The following NAV2 variants were observed in gnomAD, a reference collection of about 807,000 sequenced individuals.
NAV2 encodes neuron navigator 2.
In NAV2, 54 loss-of-function variants were observed where a neutral mutation model predicts 223.2. The observed-to-expected ratio is 0.24, with a 90% CI of 0.19 to 0.30. The LOEUF (loss-of-function observed/expected upper bound fraction) is 0.30, where lower values mean the gene tolerates loss of function less well. Ranked by LOEUF, NAV2 falls within the 10% of genes least tolerant of loss-of-function variation. NAV2 has a pLI of 1.00. For synonymous variants in NAV2, 1,279 were observed against 1,239.3 expected (o/e 1.03, Z -0.67); for missense variants, 2,806 against 3,147.5 (o/e 0.89, Z 2.60).
At chr11:19,481,245 A>G (rs1346509832) in intron 1 of NAV2, among the ~76,000 whole-genome samples, 1 of 152,046 alleles carries the variant, frequency 6.6e-6, no homozygotes, top group African/African-American at 2.4e-5. Context: ...TTGGTAGAAA[A>G]GCCAAGGGCC....
chr11:19,992,219 A>G (rs2051405518), intron 11 of NAV2, among the ~76,000 whole-genome samples: 1 of 152,226 alleles, frequency 6.6e-6, no homozygotes, highest in Non-Finnish European at 1.5e-5. Context: ...GCAGGGTAAT[A>G]ATAACTACAT....
At chr11:19,644,382 G>A (rs1261386823) in intron 1 of NAV2, among the ~76,000 whole-genome samples, 2 of 152,192 alleles carry the variant, frequency 1.3e-5, no homozygotes, top group African/African-American at 4.8e-5. Flanking sequence ...TTTGGTATTG[G>A]CTGTTGCTGC....
chr11:19,423,362 A>T (rs1406605394), intron 1 of NAV2, among the ~76,000 whole-genome samples: 1 of 152,220 alleles, frequency 6.6e-6, no homozygotes. Context: ...ATGGTCATGG[A>T]CTAAGAACCG....
At chr11:19,384,593 C>T (rs1262323022) in intron 1 of NAV2, 1 of 152,272 alleles carries the variant, frequency 6.6e-6, no homozygotes, top group Non-Finnish European at 1.5e-5. Context: ...CCACTCATCT[C>T]TCCACCCCTC....
Position 19,934,156 on chromosome 11 carries a change from G to A in NAV2, c.1912G>A (p.Val638Ile), listed in dbSNP as rs752406374. The A allele has an allele frequency of 2.5e-6, 4 of 1,614,098 alleles. No individual in the cohort carries two copies. Among genetic ancestry groups the A allele is most frequent in the Non-Finnish European group, 3.4e-6 (4 of 1,180,026 alleles). Residue 638 changes from valine (V) to isoleucine (I), a missense_variant, in exon 7 of 38, where the codon GTC becomes ATC. Coordinates refer to ENST00000349880, the MANE Select transcript of NAV2 (RefSeq NM_145117.5). ...TLNHSISSQT[V>I]SGSVGTTQTT... ...GAACCACAGCATCAGCAGCCAGACT[G>A]TCAGTGGGTCTGTCGGGACCACCCA...
At chr11:19,353,970 AG>A (rs752122967) in intron 1 of NAV2, among the ~76,000 whole-genome samples, 4 of 152,226 alleles carry the variant, frequency 2.6e-5, no homozygotes, top group Non-Finnish European at 4.4e-5. Flanking sequence ...TGCCTGTCTG[AG>A]TCCTTACATA....
intron 17 of NAV2, among the ~76,000 whole-genome samples, chr11:20,052,466 A>G (rs968444981): frequency 2.6e-5 from 4 of 152,212 alleles, no homozygotes; most frequent in African/African-American, 9.6e-5. Context: ...GCTGCTTGTC[A>G]GCAACCATGC....
Position 20,045,218 on chromosome 11 carries a change from C to T in NAV2, c.3450C>T (p.Gly1150=), listed in dbSNP as rs764247835. 6 of 1,614,044 alleles carry T rather than the reference C, an allele frequency of 3.7e-6. No individual in the cohort carries two copies. The Admixed American group carries it at 1.0e-4, about 27-fold the overall frequency. The part of the protein sequence containing the change: ...VTVTSRSATL[G]KIPKSSALVS... ...TCACCAGCAGGTCAGCCACACTGGG[C>T]AAAATCCCAAAGTCATCTGCACTCG... The change falls in exon 14 of 38, where the codon GGC becomes GGT. Residue 1150 remains glycine, a synonymous_variant. Coordinates refer to ENST00000349880, the MANE Select transcript of NAV2 (RefSeq NM_145117.5).
intron 1 of NAV2, among the ~76,000 whole-genome samples, chr11:19,564,721 C>T (rs2134814278): frequency 6.6e-6 from 1 of 152,326 alleles, no homozygotes; most frequent in East Asian, 1.9e-4. Context: ...GAGTGCCCAC[C>T]GTGTGCTATT....
At chr11:19,664,129 G>T (rs551534705) in intron 1 of NAV2, among the ~76,000 whole-genome samples, 1 of 152,340 alleles carries the variant, frequency 6.6e-6, no homozygotes, top group African/African-American at 2.4e-5. Context: ...CTCCCTTGAA[G>T]CCAGAAGGCA....
chr11:19,924,534 G>A (rs2044567624), intron 6 of NAV2, among the ~76,000 whole-genome samples: 1 of 152,200 alleles, frequency 6.6e-6, no homozygotes, highest in Non-Finnish European at 1.5e-5. Flanking sequence ...GGTTCATGCA[G>A]GACAGAGGAG....
intron 1 of NAV2, among the ~76,000 whole-genome samples, chr11:19,526,779 C>T (rs931888066): frequency 4.6e-5 from 7 of 152,184 alleles, no homozygotes; most frequent in African/African-American, 1.7e-4. Context: ...ATCTGAAGTT[C>T]ATTCCAGCTT....
At chr11:19,558,577 A>G (rs1590521537) in intron 1 of NAV2, among the ~76,000 whole-genome samples, 1 of 152,184 alleles carries the variant, frequency 6.6e-6, no homozygotes, top group Admixed American at 6.5e-5. Flanking sequence ...CAGTCAAACC[A>G]CCTTCCTATG....
chr11:19,873,020 C>T (rs558719370), intron 4 of NAV2, among the ~76,000 whole-genome samples: 1 of 152,304 alleles, frequency 6.6e-6, no homozygotes, highest in African/African-American at 2.4e-5. Context: ...TAAAACTGCC[C>T]CTGTGAGGAA....
At chr11:20,008,282 C>T (rs2053256751) in intron 11 of NAV2, among the ~76,000 whole-genome samples, 1 of 151,984 alleles carries the variant, frequency 6.6e-6, no homozygotes, top group African/African-American at 2.4e-5. Context: ...CAGGAGAATC[C>T]ATGAGGCCGA....
At chr11:19,617,025 C>A (rs547359749) in intron 1 of NAV2, among the ~76,000 whole-genome samples, 1 of 152,186 alleles carries the variant, frequency 6.6e-6, no homozygotes, top group East Asian at 1.9e-4. Context: ...ATTTGGGGGC[C>A]TAAATGATAA....
At chr11:19,963,875 C>T (rs144139537) in intron 10 of NAV2, among the ~76,000 whole-genome samples, 42 of 152,232 alleles carry the variant, frequency 2.8e-4, no homozygotes, top group African/African-American at 9.9e-4. Flanking sequence ...AGTGATTTAC[C>T]GAAGCGCCTT....
intron 1 of NAV2, among the ~76,000 whole-genome samples, chr11:19,652,928 G>A (rs551051283): frequency 6.6e-6 from 1 of 152,300 alleles, no homozygotes; most frequent in East Asian, 1.9e-4. Context: ...CCAGTTTCCT[G>A]TTGATGGGTG....
chr11:19,388,086 C>G (rs1849111287), intron 1 of NAV2, among the ~76,000 whole-genome samples: 1 of 152,188 alleles, frequency 6.6e-6, no homozygotes, highest in Non-Finnish European at 1.5e-5. Context: ...AGAAGTATAA[C>G]TAATTTCCTA....
Sources: allele counts gnomAD v4.1 joint callset (sites outside exome capture counted in the v4.1 genomes callset), GRCh38; gene constraint gnomAD v4.1.1; transcripts MANE v1.5; gene names NCBI Gene and HGNC (gene_info 2026-07-23, HGNC 2026-07-21).